DMC1: variants seen among roughly 807,000 people sequenced by gnomAD.
DMC1 encodes the protein DNA meiotic recombinase 1.
Under a neutral mutation model 50.1 loss-of-function variants are expected in DMC1, and 27 were observed. That is an observed-to-expected ratio of 0.54 (90% CI 0.40 to 0.74). The LOEUF (loss-of-function observed/expected upper bound fraction) is 0.74, where lower values mean the gene tolerates loss of function less well. Among genes scored for constraint, DMC1 ranks in the 30% least tolerant of loss-of-function variants. The pLI, the probability that DMC1 is intolerant of heterozygous loss-of-function variation, is 0.00. For synonymous variants in DMC1, 148 were observed against 136.1 expected, an observed-to-expected ratio of 1.09 and a Z score of -0.61; for missense variants, 295 against 420.2, an observed-to-expected ratio of 0.70 and a Z score of 2.60.
At chr22:38,524,283 G>A (rs190609795) in intron 12 of DMC1, among the ~76,000 whole-genome samples, 15 of 152,066 alleles carry the variant, frequency 9.9e-5, no homozygotes, top group Non-Finnish European at 1.6e-4. Context: ...GTGTGGTGGC[G>A]TGCACCTGCA....
chr22:38,513,363 G>A, the DMC1 span, among the ~76,000 whole-genome samples: 1 of 152,216 alleles, frequency 6.6e-6, no homozygotes, highest in African/African-American at 2.4e-5. Context: ...CTGAATTGGG[G>A]AGAGGTGACT....
chr22:38,521,821 G>A lies in DMC1; in HGVS notation c.837-97C>T. The A allele has an allele frequency of 3.4e-6, 3 of 872,286 alleles. No individual in the cohort carries two copies. In the South Asian group the frequency reaches 4.0e-5, roughly 12 times the overall value. 54.0% of individuals were successfully genotyped at this position (872,286 alleles called of 1,614,324 possible). A position where few individuals can be genotyped will look rare whatever the true frequency, so the allele number is the denominator to read the frequency against. Reference sequence around the variant, plus strand: ...AATCTTTCTGTGGTGGATGTCAGGAGTTGGAATAAGTGTATATTCTAAACA... The same window carrying A: ...AATCTTTCTGTGGTGGATGTCAGGAATTGGAATAAGTGTATATTCTAAACA... On this transcript the variant is annotated intron_variant, in intron 12 of 13. Transcript: ENST00000216024.
rs1179101356 is a variant in DMC1, at chr22:38,549,944, T to C, written c.475A>G (p.Ile159Val). ...GGTTACAAAGTATTTTCTGTATCAA[T>C]GAAGATAATCTTTCCTCCTGGGTAG... ...GGYPGGKIIF[I>V]DTENTFRPDR... The change falls in exon 8 of 14, where the codon ATT becomes GTT. Residue 159 changes from isoleucine to valine, a missense_variant. Coordinates refer to ENST00000216024, the MANE Select transcript of DMC1 (RefSeq NM_007068.4). 3 of 1,613,252 alleles carry C rather than the reference T, an allele frequency of 1.9e-6. No homozygotes were observed. The highest frequency in any genetic ancestry group is 1.7e-6 in the Non-Finnish European group (2 of 1,179,382).
Position 38,539,333 on chromosome 22 carries a change from G to A in DMC1, c.574C>T (p.Arg192Cys), listed in dbSNP as rs1341729934. 4.3e-6 allele frequency: 7 copies of A among 1,613,326 alleles called. No individual in the cohort carries two copies. Among genetic ancestry groups the A allele is most frequent in the South Asian group, 3.3e-5 (3 of 91,064 alleles). ...ATGGGGCTCTTACTAGTATATGCAC[G>A]TGCATAAAGTACGTTGTCCAGTACT... ...DAVLDNVLYA[R>C]AYTSEHQMEL... The change falls in exon 9 of 14, where the codon CGT becomes TGT. Residue 192 changes from arginine to cysteine, a missense_variant. Arg to Cys is a radical substitution (Grantham distance 180). Transcript: ENST00000216024.
chr22:38,568,325 C>T, intron 1 of DMC1, 36 bp from the exon 2 acceptor site: 1 of 1,498,700 alleles, frequency 6.7e-7, no homozygotes, highest in Non-Finnish European at 9.3e-7. Context: ...AGAAGTAGTC[C>T]TTTGTCCAGG....
At chr22:38,564,563 A>C (rs2090562273) in intron 4 of DMC1, among the ~76,000 whole-genome samples, 1 of 151,854 alleles carries the variant, frequency 6.6e-6, no homozygotes, top group South Asian at 2.1e-4. Context: ...CGCCCGCCTC[A>C]GCCTCCCAAA....
At chr22:38,543,110 A>C (rs2090304356) in intron 8 of DMC1, among the ~76,000 whole-genome samples, 2 of 152,226 alleles carry the variant, frequency 1.3e-5, no homozygotes, top group African/African-American at 4.8e-5. Context: ...ACTAAAAGGA[A>C]GCATTGGGGA....
the DMC1 span, among the ~76,000 whole-genome samples, chr22:38,511,061 G>GAGTTCAAGATCAGCCTAGGTAA: frequency 6.6e-6 from 1 of 152,120 alleles, no homozygotes; most frequent in South Asian, 2.1e-4. Flanking sequence ...TTGAGCCCAG[G>GAGTTCAAGATCAGCCTAGGTAA]CATTTGAGGT....
At chr22:38,545,294 CCA>C (rs1029832238) in intron 8 of DMC1, among the ~76,000 whole-genome samples, 6 of 152,206 alleles carry the variant, frequency 3.9e-5, no homozygotes, top group South Asian at 2.1e-4. Flanking sequence ...ACCTGTAGTC[CCA>C]GTTACTTGAG....
At chr22:38,560,807 T>C (rs1425817129) in intron 5 of DMC1, among the ~76,000 whole-genome samples, 1 of 152,094 alleles carries the variant, frequency 6.6e-6, no homozygotes, top group Non-Finnish European at 1.5e-5. Flanking sequence ...TCGTCAACTA[T>C]GAACTCAGGG....
rs2145860421 is a variant in DMC1, at chr22:38,537,639, A to T, written c.789T>A (p.Ala263=). The change falls in exon 12 of 14, where the codon GCT becomes GCA. Residue 263 remains alanine (A), a synonymous_variant. Transcript: ENST00000216024. ...CAGTCATTTGATTGGTCACAAAAACAGCCACGTTATATTCTGCATCAAGAG... is the reference window on the plus strand; with the variant it reads ...CAGTCATTTGATTGGTCACAAAAACTGCCACGTTATATTCTGCATCAAGAG... ...LQKISEEYNV[A]VFVTNQMTAD... 6.2e-7 allele frequency: 1 copy of T among 1,613,934 alleles called. No individual in the cohort carries two copies. The highest frequency in any genetic ancestry group is 8.5e-7 in the Non-Finnish European group (1 of 1,179,826).
At chr22:38,545,145 A>G (rs189167303) in intron 8 of DMC1, among the ~76,000 whole-genome samples, 282 of 152,182 alleles carry the variant, frequency 1.9e-3, no homozygotes, top group Admixed American at 3.3e-3. Context: ...ATGGTGGCTT[A>G]TATCTGTAAT....
chr22:38,548,919 G>A (rs1198006769), intron 8 of DMC1, among the ~76,000 whole-genome samples: 1 of 151,836 alleles, frequency 6.6e-6, no homozygotes, highest in Non-Finnish European at 1.5e-5. Flanking sequence ...GATCTTTCCA[G>A]TTCTATTGTT....
downstream of DMC1, among the ~76,000 whole-genome samples, chr22:38,514,191 C>T (rs1360691185): frequency 6.7e-6 from 1 of 148,256 alleles, no homozygotes; most frequent in African/African-American, 2.5e-5. Flanking sequence ...TGAATAGTGG[C>T]TGGGTAAAAT....
chr22:38,562,511 A>G (rs1035321786), intron 4 of DMC1, 142 bp from the exon 5 acceptor site: 1 of 654,846 alleles, frequency 1.5e-6, no homozygotes, highest in Non-Finnish European at 2.7e-6. Context: ...AAGGCAGTAC[A>G]AGATTATGGT....
At chr22:38,520,422 A>G (rs1447533890) in intron 13 of DMC1, among the ~76,000 whole-genome samples, 1 of 151,322 alleles carries the variant, frequency 6.6e-6, no homozygotes, top group African/African-American at 2.4e-5. Context: ...CAATGGTGAG[A>G]TCTCGTCTCA....
downstream of DMC1, among the ~76,000 whole-genome samples, chr22:38,515,010 G>A (rs2089966766): frequency 6.7e-6 from 1 of 149,128 alleles, no homozygotes; most frequent in Non-Finnish European, 1.5e-5. Flanking sequence ...TGGGACTACA[G>A]GTGCCAGCCA....
At chr22:38,534,960 C>T (rs1009811931) in intron 12 of DMC1, among the ~76,000 whole-genome samples, 5 of 150,548 alleles carry the variant, frequency 3.3e-5, no homozygotes, top group Admixed American at 6.6e-5. Flanking sequence ...GAGCTGAGAT[C>T]GCACCATTGC....
chr22:38,551,922 G>A (rs1258780862), intron 7 of DMC1, among the ~76,000 whole-genome samples: 7 of 143,598 alleles, frequency 4.9e-5, no homozygotes, highest in African/African-American at 1.6e-4. Flanking sequence ...GTGCAGTGGC[G>A]CGATATCGGC....
Sources: allele counts gnomAD v4.1 joint callset (sites outside exome capture counted in the v4.1 genomes callset), GRCh38; gene constraint gnomAD v4.1.1; transcripts MANE v1.5; gene names NCBI Gene and HGNC (gene_info 2026-07-23, HGNC 2026-07-21).